Variants in PAN3 observed in about 807,000 individuals in gnomAD.
PAN3 encodes PAN2-PAN3 deadenylation complex subunit PAN3.
A neutral mutation model predicts 96.2 loss-of-function variants in PAN3; 19 were observed. That is an observed-to-expected ratio of 0.20 (90% CI 0.14 to 0.29). The LOEUF (loss-of-function observed/expected upper bound fraction) is 0.29. PAN3 is among the 10% of genes least tolerant of loss of function. The pLI, the probability that PAN3 is intolerant of heterozygous loss-of-function variation, is 1.00. For missense variants in PAN3, 882 were observed against 1,108.1 expected (o/e 0.80, Z 2.90); for synonymous variants, 433 against 406.6 (o/e 1.06, Z -0.78).
intron 16 of PAN3, 90 bp from the exon 17 acceptor site, chr13:28,281,225 T>G (rs2138721171): frequency 2.2e-6 from 2 of 902,564 alleles, no homozygotes; most frequent in South Asian, 2.9e-5. Flanking sequence ...AAGGTAATAT[T>G]GGTACAGGTT....
chr13:28,285,986 A>G (rs1868923386), intron 17 of PAN3, among the ~76,000 whole-genome samples: 1 of 152,202 alleles, frequency 6.6e-6, no homozygotes, highest in African/African-American at 2.4e-5. Flanking sequence ...TTTTGTAACA[A>G]AAGATTTCTG....
At chr13:28,162,858 C>T (rs1873053214) in intron 1 of PAN3, among the ~76,000 whole-genome samples, 1 of 150,374 alleles carries the variant, frequency 6.7e-6, no homozygotes, top group Non-Finnish European at 1.5e-5. Flanking sequence ...AACAACTTGC[C>T]ACCAAGCTTA....
chr13:28,175,116 A>T (rs1874794598), intron 2 of PAN3, among the ~76,000 whole-genome samples: 1 of 152,170 alleles, frequency 6.6e-6, no homozygotes, highest in Non-Finnish European at 1.5e-5. Flanking sequence ...AGTGTTTTTA[A>T]TTGGAAAACT....
At chr13:28,183,762 G>T (rs1272783827) in intron 4 of PAN3, among the ~76,000 whole-genome samples, 1 of 152,148 alleles carries the variant, frequency 6.6e-6, no homozygotes, top group Non-Finnish European at 1.5e-5. Flanking sequence ...GATTATCTTT[G>T]TGTCTTCAAC....
At chr13:28,214,905 G>T in intron 5 of PAN3, 1 of 1,047,124 alleles carries the variant, frequency 9.5e-7, no homozygotes, top group South Asian at 1.2e-5. Context: ...CTCCAAGAAT[G>T]GGCAGGCTGG....
intron 1 of PAN3, among the ~76,000 whole-genome samples, chr13:28,161,506 T>C (rs1440977982): frequency 6.6e-6 from 1 of 152,204 alleles, no homozygotes; most frequent in Admixed American, 6.5e-5. Context: ...TCATCTTTAA[T>C]TATATCTGCA....
intron 3 of PAN3, among the ~76,000 whole-genome samples, chr13:28,177,460 C>CA (rs1469961130): frequency 1.3e-5 from 2 of 152,128 alleles, no homozygotes; most frequent in African/African-American, 4.8e-5. Flanking sequence ...CAGGATCTCT[C>CA]AGAGTCTATG....
intron 4 of PAN3, among the ~76,000 whole-genome samples, chr13:28,192,619 G>T (rs138631052): frequency 3.9e-5 from 6 of 152,156 alleles, no homozygotes; most frequent in African/African-American, 4.8e-5. Flanking sequence ...ATTCATACAT[G>T]ATTACTTATG....
intron 6 of PAN3, among the ~76,000 whole-genome samples, chr13:28,222,681 G>C (rs909226737): frequency 6.6e-6 from 1 of 152,084 alleles, no homozygotes; most frequent in Non-Finnish European, 1.5e-5. Flanking sequence ...TTTGTTTAAG[G>C]AAGGGTTCTT....
intron 17 of PAN3, among the ~76,000 whole-genome samples, chr13:28,281,795 G>A (rs971548674): frequency 9.6e-5 from 14 of 145,968 alleles, no homozygotes; most frequent in Non-Finnish European, 1.8e-4. Flanking sequence ...TTCTTGAGAC[G>A]GAGTCTCCCT....
chr13:28,138,711 C>T lies in PAN3; in HGVS notation c.54C>T (p.Ser18=), dbSNP rs1407017285. 6.6e-6 allele frequency: 8 copies of T among 1,205,370 alleles called. No homozygotes were observed. The highest frequency in any genetic ancestry group is 2.2e-4 in the Middle Eastern group (1 of 4,592). The allele number at this position is 1,205,370 out of a possible 1,614,324, so 74.7% of individuals were successfully genotyped here. A position where few individuals can be genotyped will look rare whatever the true frequency, so the allele number is the denominator to read the frequency against. ...CCTCGGCCGCCGCCTCCCCTTCCTCCTCCTCGCTGGCGGCGGCGGTGGCGG... is the reference window on the plus strand; with the variant it reads ...CCTCGGCCGCCGCCTCCCCTTCCTCTTCCTCGCTGGCGGCGGCGGTGGCGG... ...PPPSAAASPS[S]SSLAAAVAVV... The change falls in exon 1 of 19, where the codon TCC becomes TCT. Residue 18 remains serine (S), a synonymous_variant. Transcript: ENST00000380958.
At chr13:28,272,363 C>T (rs976084436) in intron 14 of PAN3, 6 of 206,062 alleles carry the variant, frequency 2.9e-5, no homozygotes, top group Non-Finnish European at 4.8e-5. Context: ...TTGAACTGGG[C>T]CCAAGCAATC....
intron 5 of PAN3, among the ~76,000 whole-genome samples, chr13:28,208,315 G>C (rs1879612739): frequency 6.6e-6 from 1 of 152,142 alleles, no homozygotes; most frequent in South Asian, 2.1e-4. Context: ...GGAATGTTGT[G>C]ATAGTCTCAC....
At chr13:28,149,817 G>C (rs564122429) in intron 1 of PAN3, among the ~76,000 whole-genome samples, 9 of 152,078 alleles carry the variant, frequency 5.9e-5, no homozygotes, top group Non-Finnish European at 1.5e-5. Flanking sequence ...GGGTCTTGCT[G>C]TGTTGCCCAG....
intron 6 of PAN3, among the ~76,000 whole-genome samples, chr13:28,241,855 C>T (rs1425308371): frequency 1.3e-5 from 2 of 151,778 alleles, no homozygotes; most frequent in East Asian, 1.9e-4. Flanking sequence ...CAGATATTGG[C>T]CTTGTTATTA....
intron 6 of PAN3, among the ~76,000 whole-genome samples, chr13:28,241,792 T>C (rs1229470721): frequency 6.6e-6 from 1 of 152,170 alleles, no homozygotes; most frequent in African/African-American, 2.4e-5. Context: ...TTTTTGTATT[T>C]TGATTATGAT....
At chr13:28,270,320 A>G (rs544324930) in intron 12 of PAN3, among the ~76,000 whole-genome samples, 30 of 152,310 alleles carry the variant, frequency 2.0e-4, no homozygotes, top group Middle Eastern at 3.4e-3. Context: ...TCACATGCCT[A>G]AACAATAATA....
intron 7 of PAN3, 47 bp downstream of exon 7, chr13:28,256,586 A>G: frequency 1.9e-6 from 3 of 1,555,876 alleles, no homozygotes; most frequent in Non-Finnish European, 2.6e-6. Context: ...TTGTAACAGG[A>G]CCTTCTTAGT....
At chr13:28,284,453 T>C (rs999633044) in intron 17 of PAN3, among the ~76,000 whole-genome samples, 1 of 152,058 alleles carries the variant, frequency 6.6e-6, no homozygotes, top group Non-Finnish European at 1.5e-5. Flanking sequence ...CTGACCAAAT[T>C]TCTTCTTTGC....
Sources: allele counts gnomAD v4.1 joint callset (sites outside exome capture counted in the v4.1 genomes callset), GRCh38; gene constraint gnomAD v4.1.1; transcripts MANE v1.5; gene names NCBI Gene and HGNC (gene_info 2026-07-23, HGNC 2026-07-21).